PDE11A: variants seen among roughly 807,000 people sequenced by gnomAD.
PDE11A encodes the protein dual 3',5'-cyclic-AMP and -GMP phosphodiesterase 11A.
In PDE11A, 100 loss-of-function variants were observed where a neutral mutation model predicts 100.5. The observed-to-expected ratio is 1.00, with a 90% CI of 0.85 to 1.18. The LOEUF is 1.18. Ranked by LOEUF, PDE11A falls within the 50% of genes most tolerant of loss-of-function variation. The probability of loss-of-function intolerance (pLI) is 0.00; values close to 1 mark genes in which losing one functional copy is unlikely to be tolerated. For synonymous variants in PDE11A, 381 were observed against 420.8 expected, an observed-to-expected ratio of 0.91 and a Z score of 1.16; for missense variants, 1,141 against 1,152.6, an observed-to-expected ratio of 0.99 and a Z score of 0.15.
At chr2:177,695,734 G>T (rs1168460251) in intron 15 of PDE11A, among the ~76,000 whole-genome samples, 1 of 152,114 alleles carries the variant, frequency 6.6e-6, no homozygotes, top group Admixed American at 6.5e-5. Flanking sequence ...TGTTAGTAGA[G>T]GACTTCCTGG....
intron 19 of PDE11A, among the ~76,000 whole-genome samples, chr2:177,660,600 T>A (rs1167316928): frequency 6.6e-6 from 1 of 152,198 alleles, no homozygotes; most frequent in East Asian, 1.9e-4. Flanking sequence ...TAGTAAAAAA[T>A]TGAGTGGAAC....
At chr2:177,675,593 T>C in intron 16 of PDE11A, 75 bp from the exon 17 acceptor site, 1 of 1,060,226 alleles carries the variant, frequency 9.4e-7, no homozygotes, top group South Asian at 1.3e-5. Flanking sequence ...CCTAGATACA[T>C]AAATAAATAA....
At chr2:178,025,692 G>A (rs1173358334) in intron 1 of PDE11A, among the ~76,000 whole-genome samples, 6 of 152,134 alleles carry the variant, frequency 3.9e-5, no homozygotes, top group Admixed American at 6.5e-5. Flanking sequence ...ATCTATTACC[G>A]TAAGTCTGCA....
intron 2 of PDE11A, among the ~76,000 whole-genome samples, chr2:177,993,896 A>G (rs980629887): frequency 6.6e-6 from 1 of 151,746 alleles, no homozygotes; most frequent in Non-Finnish European, 1.5e-5. Context: ...ATGAGTTAAT[A>G]TATATGTATA....
At chr2:177,717,508 C>T (rs3770027) in intron 12 of PDE11A, among the ~76,000 whole-genome samples, 2,217 of 152,178 alleles carry the variant, frequency 0.015, 25 homozygotes, top group Non-Finnish European at 0.026. Context: ...TTTTTCTGCT[C>T]CTGACCCAAT....
At chr2:177,929,900 G>A (rs946779201) in intron 2 of PDE11A, among the ~76,000 whole-genome samples, 1 of 152,076 alleles carries the variant, frequency 6.6e-6, no homozygotes, top group Admixed American at 6.5e-5. Flanking sequence ...CATTGTATAA[G>A]TTATTTACTT....
At chr2:177,849,397 C>T (rs993153639) in intron 5 of PDE11A, among the ~76,000 whole-genome samples, 2 of 152,156 alleles carry the variant, frequency 1.3e-5, no homozygotes, top group Admixed American at 1.3e-4. Flanking sequence ...TCAGTCAAAA[C>T]TATAGCATGA....
At chr2:177,925,811 A>T in intron 2 of PDE11A, among the ~76,000 whole-genome samples, 1 of 152,362 alleles carries the variant, frequency 6.6e-6, no homozygotes, top group South Asian at 2.1e-4. Context: ...TTGAAAAACT[A>T]AACTGTGTTC....
rs537446305 is a variant in PDE11A, at chr2:177,762,348, C to A, written c.1788+6975G>T. On this transcript the variant is annotated intron_variant, in intron 10 of 19. Transcript: ENST00000286063. ...CTGAAGTGAGGGACTACGTGTTCTT[C>A]ATTTCCTGGCGTCACAGCTAGAGTT... 3.3e-4 allele frequency among the ~76,000 whole-genome samples: 50 copies of A among 152,268 alleles called. 2 individuals carry two copies. The South Asian group carries it at 0.01, about 31-fold the overall frequency.
At chr2:177,773,975 G>T (rs1214582979) in intron 9 of PDE11A, among the ~76,000 whole-genome samples, 2 of 152,128 alleles carry the variant, frequency 1.3e-5, no homozygotes, top group African/African-American at 4.8e-5. Context: ...TCTTTAAGCA[G>T]TTCCTTCTGT....
rs1338299748 is a variant in PDE11A, at chr2:177,636,836, A to G, written c.2647-7274T>C. ...TATTGCCAGATGTCCTCTGGGGAGC[A>G]GCATCTTCCCAGTTAAGAACCACTG... On this transcript the variant is annotated intron_variant, in intron 19 of 19. Coordinates refer to ENST00000286063, the MANE Select transcript of PDE11A (RefSeq NM_016953.4). Among the ~76,000 whole-genome samples, 4 of 152,316 alleles carry G rather than the reference A, an allele frequency of 2.6e-5. No individual in the cohort carries two copies. In the East Asian group the frequency reaches 7.7e-4, roughly 29 times the overall value.
chr2:177,926,409 T>C (rs1316520194), intron 2 of PDE11A, among the ~76,000 whole-genome samples: 2 of 152,210 alleles, frequency 1.3e-5, no homozygotes, highest in African/African-American at 4.8e-5. Context: ...ACAAATTCTA[T>C]GTCTAAAAGA....
chr2:177,854,448 G>A (rs1333555630), intron 5 of PDE11A, among the ~76,000 whole-genome samples: 1 of 151,974 alleles, frequency 6.6e-6, no homozygotes, highest in Non-Finnish European at 1.5e-5. Flanking sequence ...TTCCTTCATT[G>A]ATGTTTAGCT....
chr2:177,658,869 T>C (rs2080431728), intron 19 of PDE11A, among the ~76,000 whole-genome samples: 1 of 152,180 alleles, frequency 6.6e-6, no homozygotes, highest in Non-Finnish European at 1.5e-5. Context: ...CCCATTCTAC[T>C]ATTTCAACTA....
At chr2:178,095,952 TG>T (rs886963862) in intron 2 of PDE11A, among the ~76,000 whole-genome samples, 11 of 152,134 alleles carry the variant, frequency 7.2e-5, no homozygotes, top group African/African-American at 2.7e-4. Context: ...AGAGCAGCAG[TG>T]GGGCCCTGGG....
chr2:177,998,255 T>C, intron 2 of PDE11A: 1 of 829,240 alleles, frequency 1.2e-6, no homozygotes, highest in South Asian at 1.3e-5. Context: ...GTATAAGCTC[T>C]TCCACTTCCT....
chr2:177,751,619 CT>C (rs1261457289), intron 10 of PDE11A, among the ~76,000 whole-genome samples: 1 of 152,134 alleles, frequency 6.6e-6, no homozygotes, highest in African/African-American at 2.4e-5. Flanking sequence ...AAATTTGTTC[CT>C]TGTGTCTGAG....
chr2:178,080,712 C>T (rs1027907674), intron 2 of PDE11A, among the ~76,000 whole-genome samples: 4 of 151,888 alleles, frequency 2.6e-5, no homozygotes, highest in African/African-American at 9.7e-5. Flanking sequence ...ATATAAATGC[C>T]TTATCATTTA....
intron 9 of PDE11A, among the ~76,000 whole-genome samples, chr2:177,801,056 A>G (rs1172647749): frequency 6.6e-6 from 1 of 152,234 alleles, no homozygotes; most frequent in Admixed American, 6.5e-5. Flanking sequence ...CTTCAAAGAT[A>G]CAAGAAGAAA....
Sources: allele counts gnomAD v4.1 joint callset (sites outside exome capture counted in the v4.1 genomes callset), GRCh38; gene constraint gnomAD v4.1.1; transcripts MANE v1.5; gene names NCBI Gene and HGNC (gene_info 2026-07-23, HGNC 2026-07-21).